PBX1: variants seen among roughly 807,000 people sequenced by gnomAD.
PBX1 encodes pre-B-cell leukemia transcription factor 1.
PBX1 carries 6 observed loss-of-function variants against 53.4 expected under a neutral mutation model. The ratio of observed to expected loss-of-function variants is 0.11; its 90% CI spans 0.06 to 0.22. The LOEUF is 0.22. Among genes scored for constraint, PBX1 ranks in the 10% least tolerant of loss-of-function variants. The pLI is 1.00. For missense variants in PBX1, 251 were observed against 551.4 expected (o/e 0.46, Z 5.46); for synonymous variants, 204 against 212.3 (o/e 0.96, Z 0.34).
intron 2 of PBX1, among the ~76,000 whole-genome samples, chr1:164,765,461 C>A (rs1667015041): frequency 6.6e-6 from 1 of 152,174 alleles, no homozygotes; most frequent in Non-Finnish European, 1.5e-5. Flanking sequence ...GATAATGGCT[C>A]CCTTCTGGTG....
intron 2 of PBX1, among the ~76,000 whole-genome samples, chr1:164,775,862 T>C (rs1393393129): frequency 6.6e-6 from 1 of 152,062 alleles, no homozygotes; most frequent in Non-Finnish European, 1.5e-5. Context: ...TGGGCATACA[T>C]TGGGGTCTGT....
At chr1:164,828,069 A>G (rs1670556566) in intron 8 of PBX1, among the ~76,000 whole-genome samples, 1 of 152,214 alleles carries the variant, frequency 6.6e-6, no homozygotes, top group Non-Finnish European at 1.5e-5. Context: ...GGGGGAATTT[A>G]GGACCAACCA....
intron 2 of PBX1, among the ~76,000 whole-genome samples, chr1:164,693,425 G>A (rs2102028985): frequency 6.6e-6 from 1 of 152,348 alleles, no homozygotes; most frequent in East Asian, 1.9e-4. Context: ...TTAGGACAGT[G>A]CGACTTACGT....
intron 2 of PBX1, among the ~76,000 whole-genome samples, chr1:164,711,018 A>C (rs1201300140): frequency 6.6e-6 from 1 of 152,168 alleles, no homozygotes; most frequent in Non-Finnish European, 1.5e-5. Context: ...CAATGCAGGG[A>C]GAGATGCACT....
At chr1:164,760,208 C>G (rs1666736381) in intron 2 of PBX1, among the ~76,000 whole-genome samples, 2 of 152,198 alleles carry the variant, frequency 1.3e-5, no homozygotes, top group South Asian at 4.1e-4. Flanking sequence ...GTCACACATT[C>G]AGCAGCCCTG....
chr1:164,634,376 C>T (rs1658605643), intron 2 of PBX1, among the ~76,000 whole-genome samples: 1 of 152,222 alleles, frequency 6.6e-6, no homozygotes, highest in Non-Finnish European at 1.5e-5. Context: ...AACACCGATA[C>T]AGGTAAGAGC....
intron 2 of PBX1, among the ~76,000 whole-genome samples, chr1:164,872,402 G>C (rs761947759): frequency 1.2e-4 from 18 of 152,196 alleles, no homozygotes; most frequent in Non-Finnish European, 2.2e-4. Context: ...CATCACAAGG[G>C]ATCTAATCCA....
intron 2 of PBX1, among the ~76,000 whole-genome samples, chr1:164,710,607 C>A (rs1663700559): frequency 6.6e-6 from 1 of 152,056 alleles, no homozygotes; most frequent in African/African-American, 2.4e-5. Context: ...GACGGGGTTT[C>A]TCCATGTTGG....
At chr1:164,696,870 G>A (rs1384508623) in intron 2 of PBX1, among the ~76,000 whole-genome samples, 1 of 152,152 alleles carries the variant, frequency 6.6e-6, no homozygotes, top group African/African-American at 2.4e-5. Flanking sequence ...TCTGGTAGGA[G>A]GTCAGAGTTT....
At chr1:164,781,150 A>G (rs1667914709) in intron 2 of PBX1, among the ~76,000 whole-genome samples, 1 of 152,118 alleles carries the variant, frequency 6.6e-6, no homozygotes, top group Non-Finnish European at 1.5e-5. Flanking sequence ...CCTTGTATGC[A>G]TTTGTGAGAT....
intron 2 of PBX1, among the ~76,000 whole-genome samples, chr1:164,588,632 C>T (rs929165076): frequency 1.3e-5 from 2 of 151,874 alleles, no homozygotes; most frequent in African/African-American, 4.8e-5. Context: ...TTCCCTTGCT[C>T]TCTACAAGTC....
At chr1:164,780,487 T>C (rs1302844299) in intron 2 of PBX1, among the ~76,000 whole-genome samples, 1 of 152,118 alleles carries the variant, frequency 6.6e-6, no homozygotes, top group East Asian at 1.9e-4. Context: ...TTAAACCCAT[T>C]TGACCTCCAG....
At chr1:164,711,185 GCCTAGTTGTCAGCAACCAAGA>G (rs974550980) in intron 2 of PBX1, among the ~76,000 whole-genome samples, 1 of 152,166 alleles carries the variant, frequency 6.6e-6, no homozygotes, top group Admixed American at 6.5e-5. Context: ...GTGAACCAGG[GCCTAGTTGTCAGCAACCAAGA>G]CCTCTGCTGA....
intron 2 of PBX1, among the ~76,000 whole-genome samples, chr1:164,611,124 T>C (rs544825533): frequency 1.4e-3 from 210 of 152,332 alleles, no homozygotes; most frequent in Non-Finnish European, 2.4e-3. Flanking sequence ...TTTGAAATGC[T>C]TTTTTCTTTC....
intron 2 of PBX1, among the ~76,000 whole-genome samples, chr1:164,726,519 C>G (rs2102123770): frequency 6.6e-6 from 1 of 152,304 alleles, no homozygotes; most frequent in Middle Eastern, 3.4e-3. Context: ...CTGGTCACAT[C>G]TGGGATATAA....
At chr1:164,626,002 G>T in intron 2 of PBX1, 1 of 1,041,092 alleles carries the variant, frequency 9.6e-7, no homozygotes, top group African/African-American at 1.7e-5. Flanking sequence ...GTTCTGTTCG[G>T]CACAGAGTAC....
chr1:164,680,732 C>A (rs1205237265), intron 2 of PBX1: 2 of 152,342 alleles, frequency 1.3e-5, no homozygotes, highest in African/African-American at 4.8e-5. Context: ...GTGGAACTTT[C>A]CCCATTCTGT....
rs767663970 is a variant in PBX1, at chr1:164,807,650, C to G, written c.810C>G (p.Ala270=). 1 of 1,614,106 alleles carries G rather than the reference C, an allele frequency of 6.2e-7. No individual in the cohort carries two copies. The highest frequency in any genetic ancestry group is 8.5e-7 in the Non-Finnish European group (1 of 1,179,986). ...YPSEEAKEEL[A]KKCGITVSQV... ...GTGAGGAAGCCAAAGAGGAGTTAGC[C>G]AAGAAGTGTGGCATCACAGTCTCCC... The change falls in exon 5 of 9, where the codon GCC becomes GCG. Residue 270 remains alanine (A), a synonymous_variant. Coordinates refer to ENST00000420696, the MANE Select transcript of PBX1 (RefSeq NM_002585.4).
chr1:164,778,402 G>C (rs1667769960), intron 2 of PBX1, among the ~76,000 whole-genome samples: 1 of 152,140 alleles, frequency 6.6e-6, no homozygotes, highest in Non-Finnish European at 1.5e-5. Flanking sequence ...CCAACACTTT[G>C]GGAGGCCAAG....
Sources: allele counts gnomAD v4.1 joint callset (sites outside exome capture counted in the v4.1 genomes callset), GRCh38; gene constraint gnomAD v4.1.1; transcripts MANE v1.5; gene names NCBI Gene and HGNC (gene_info 2026-07-23, HGNC 2026-07-21).